Variants in DLST observed in about 807,000 individuals in gnomAD.
DLST encodes the protein dihydrolipoyllysine-residue succinyltransferase component of 2-oxoglutarate dehydrogenase complex, mitochondrial.
A neutral mutation model predicts 53.1 loss-of-function variants in DLST; 17 were observed. The ratio of observed to expected loss-of-function variants is 0.32; its 90% confidence interval spans 0.22 to 0.48. The LOEUF (loss-of-function observed/expected upper bound fraction) is 0.48, where lower values mean the gene tolerates loss of function less well. Ranked by LOEUF, DLST falls within the 20% of genes least tolerant of loss-of-function variation. The probability of loss-of-function intolerance (pLI) is 0.99; values close to 1 mark genes in which losing one functional copy is unlikely to be tolerated. For synonymous variants in DLST, 206 were observed against 204.8 expected (o/e 1.01, Z -0.05); for missense variants, 512 against 583.9 (o/e 0.88, Z 1.27).
chr14:74,896,016 T>C (rs980912536), intron 10 of DLST, among the ~76,000 whole-genome samples: 16 of 152,148 alleles, frequency 1.1e-4, no homozygotes, highest in African/African-American at 3.9e-4. Flanking sequence ...GCCACCAGGC[T>C]TGGCCAATTT....
chr14:74,891,677 A>T (rs1447893854), intron 7 of DLST: 1 of 984,198 alleles, frequency 1.0e-6, no homozygotes, highest in Admixed American at 6.1e-5. Flanking sequence ...ACTGGACCTG[A>T]TAGGATTAGA....
intron 3 of DLST, 154 bp downstream of exon 3, chr14:74,885,788 T>G: frequency 1.5e-6 from 1 of 682,746 alleles, no homozygotes; most frequent in Non-Finnish European, 2.5e-6. Flanking sequence ...AATGTTCACT[T>G]TTCCCATGTG....
chr14:74,902,164 G>A, intron 14 of DLST, 32 bp from the exon 15 acceptor site: 2 of 1,513,422 alleles, frequency 1.3e-6, no homozygotes, highest in Non-Finnish European at 1.8e-6. Context: ...TGGCTTGCTG[G>A]AGACAAACCT....
chr14:74,894,942 C>A (rs1034979553), intron 10 of DLST, among the ~76,000 whole-genome samples: 3 of 152,054 alleles, frequency 2.0e-5, no homozygotes, highest in Non-Finnish European at 4.4e-5. Context: ...TTAACCTTAG[C>A]CTTGGCTAGG....
At chr14:74,884,030 T>C (rs1201750174) in intron 2 of DLST, among the ~76,000 whole-genome samples, 1 of 152,216 alleles carries the variant, frequency 6.6e-6, no homozygotes, top group Non-Finnish European at 1.5e-5. Flanking sequence ...TGGGATGATG[T>C]AGACCAGCTT....
intron 13 of DLST, 88 bp from the exon 14 acceptor site, chr14:74,900,978 G>C: frequency 6.9e-7 from 1 of 1,451,478 alleles, no homozygotes; most frequent in Admixed American, 2.0e-5. Context: ...CTCCTGCCTC[G>C]GCCTCCCAAA....
At chr14:74,882,697 G>C (rs1883568540) in intron 2 of DLST, 73 bp downstream of exon 2, 1 of 1,399,006 alleles carries the variant, frequency 7.1e-7, no homozygotes, top group South Asian at 1.2e-5. Context: ...ACTCGGGGGT[G>C]CCTGTGTTTC....
chr14:74,886,147 C>G (rs1883696045), intron 3 of DLST: 1 of 155,278 alleles, frequency 6.4e-6, no homozygotes, highest in African/African-American at 2.4e-5. Flanking sequence ...AGATTAACTT[C>G]TGCGTATGAA....
At position 74,900,291 on chromosome 14, in the gene DLST, T is replaced by A; in HGVS notation, c.978T>A (p.Gly326=). Residue 326 remains glycine, a splice_region_variant and synonymous_variant, in exon 13 of 15, where the codon GGT becomes GGA. Transcript: ENST00000334220. ...AAACAGCTTTTCACCCCCTTCAGGGTCTGGTGGTTCCAGTCATCAGGAATG... is the reference window on the plus strand; with the variant it reads ...AAACAGCTTTTCACCCCCTTCAGGGACTGGTGGTTCCAGTCATCAGGAATG... The part of the protein sequence containing the change: ...DISVAVATPR[G]LVVPVIRNVE... 1.9e-6 allele frequency: 3 copies of A among 1,613,896 alleles called. No homozygotes were observed. Among genetic ancestry groups the A allele is most frequent in the Non-Finnish European group, 2.5e-6 (3 of 1,179,886 alleles).
At chr14:74,901,861 TA>T (rs1287218165) in intron 14 of DLST, among the ~76,000 whole-genome samples, 143 of 137,164 alleles carry the variant, frequency 1.0e-3, no homozygotes, top group African/African-American at 3.8e-3. Flanking sequence ...TTTTTTTTTT[TA>T]AATTCTAACC....
intron 3 of DLST, 178 bp downstream of exon 3, chr14:74,885,812 A>C: frequency 1.7e-6 from 1 of 587,032 alleles, no homozygotes; most frequent in Non-Finnish European, 2.9e-6. Context: ...TTCCTTGAGC[A>C]TCAGCTCCGT....
chr14:74,890,184 A>G lies in DLST; in HGVS notation c.330+232A>G, dbSNP rs1386052967. ...GCTCTGTTGCCCAGGCTGGAGTGCA[A>G]TGGCCTGATCTCAGCTCACTGCAAC... On this transcript the variant is annotated intron_variant, in intron 6 of 14. Transcript: ENST00000334220. Among the ~76,000 whole-genome samples, 6 of 143,440 alleles carry G rather than the reference A, an allele frequency of 4.2e-5. No homozygotes were observed. In the East Asian group the frequency reaches 6.1e-4, roughly 15 times the overall value. The allele number at this position is 143,440 out of a possible 152,430, so 94.1% of individuals were successfully genotyped here.
chr14:74,883,715 C>G (rs558174742), intron 2 of DLST, among the ~76,000 whole-genome samples: 2 of 152,180 alleles, frequency 1.3e-5, no homozygotes, highest in African/African-American at 4.8e-5. Flanking sequence ...AATGCATAAC[C>G]CAAGACAAGA....
intron 13 of DLST, among the ~76,000 whole-genome samples, chr14:74,900,694 A>G (rs1378453767): frequency 6.6e-6 from 1 of 152,206 alleles, no homozygotes; most frequent in Non-Finnish European, 1.5e-5. Flanking sequence ...CGCTTGTGCC[A>G]TCGATCTCGA....
intron 14 of DLST, among the ~76,000 whole-genome samples, chr14:74,901,475 C>G (rs1884244334): frequency 6.6e-6 from 1 of 152,174 alleles, no homozygotes; most frequent in African/African-American, 2.4e-5. Flanking sequence ...GATCCTGATG[C>G]ATATTCAAGT....
At chr14:74,890,105 A>C (rs1250071083) in intron 6 of DLST, among the ~76,000 whole-genome samples, 153 bp downstream of exon 6, 2 of 151,354 alleles carry the variant, frequency 1.3e-5, no homozygotes, top group Admixed American at 1.3e-4. Context: ...TTAAAAAAAA[A>C]ACAACTTTTT....
chr14:74,893,047 A>G, intron 8 of DLST, 61 bp downstream of exon 8: 1 of 1,543,988 alleles, frequency 6.5e-7, no homozygotes, highest in South Asian at 1.2e-5. Context: ...GTTCCTTCAA[A>G]GGGTAAACTC....
chr14:74,885,878 A>G (rs1164551455), intron 3 of DLST: 2 of 428,942 alleles, frequency 4.7e-6, no homozygotes, highest in East Asian at 4.0e-5. Context: ...GATTATAATG[A>G]AAGTTAAGTT....
In DLST at chr14:74,891,339, TAAAAG is replaced by T. The variant is rs1883900454; in HGVS notation, c.442+178_442+182del. 10 of 1,387,626 alleles carry T rather than the reference TAAAAG, an allele frequency of 7.2e-6. No homozygotes were observed. In the South Asian group the frequency reaches 1.0e-4, roughly 14 times the overall value. The allele number at this position is 1,387,626 out of a possible 1,614,324, so 86.0% of individuals were successfully genotyped here. On this transcript the variant is annotated intron_variant, in intron 7 of 14. Coordinates refer to ENST00000334220, the MANE Select transcript of DLST (RefSeq NM_001933.5). ...AGTGTGAACTTCAAATGTCAAATTC[TAAAAG>T]AAAAGTGTATTTTTTAAAAAATAAA...
Sources: allele counts gnomAD v4.1 joint callset (sites outside exome capture counted in the v4.1 genomes callset), GRCh38; gene constraint gnomAD v4.1.1; transcripts MANE v1.5; gene names NCBI Gene and HGNC (gene_info 2026-07-23, HGNC 2026-07-21).